The following IFT122 variants were observed in gnomAD, a reference collection of about 807,000 sequenced individuals.
IFT122 encodes the protein intraflagellar transport protein 122 homolog.
Under a neutral mutation model 161.6 loss-of-function variants are expected in IFT122, and 118 were observed. The observed-to-expected ratio is 0.73, with a 90% CI of 0.63 to 0.85. The LOEUF is 0.85. Among genes scored for constraint, IFT122 ranks in the 40% least tolerant of loss-of-function variants. The pLI, the probability that IFT122 is intolerant of heterozygous loss-of-function variation, is 0.00. For synonymous variants in IFT122, 550 were observed against 602.4 expected, an observed-to-expected ratio of 0.91 and a Z score of 1.27; for missense variants, 1,381 against 1,579.6, an observed-to-expected ratio of 0.87 and a Z score of 2.13.
At chr3:129,480,720 G>A (rs968197828) in intron 13 of IFT122, among the ~76,000 whole-genome samples, 49 of 152,318 alleles carry the variant, frequency 3.2e-4, no homozygotes, top group Non-Finnish European at 6.0e-4. Context: ...GCCGGAGGTC[G>A]TGTTCTTACT....
intron 9 of IFT122, among the ~76,000 whole-genome samples, chr3:129,475,331 A>T (rs1214689603): frequency 6.6e-6 from 1 of 152,184 alleles, no homozygotes; most frequent in Non-Finnish European, 1.5e-5. Context: ...GCAGTTCCTA[A>T]AAAAGGTTCA....
In IFT122 at chr3:129,456,101, T is replaced by C. The variant is rs1226698807; in HGVS notation, c.194-2498T>C. ...GAGGTAAATACTAACATTGTATCCA[T>C]TTTTCAAATAAGGAAATGAAAGCTC... is the stretch of plus-strand genomic sequence containing the variant. On this transcript the variant is annotated intron_variant, in intron 3 of 29. Transcript: ENST00000348417. 4 of 485,460 alleles carry C rather than the reference T, an allele frequency of 8.2e-6. 1 individual carries two copies. Among genetic ancestry groups the C allele is most frequent in the South Asian group, 6.1e-5 (4 of 65,084 alleles). The allele number at this position is 485,460 out of a possible 1,614,324, so 30.1% of individuals were successfully genotyped here. A position where few individuals can be genotyped will look rare whatever the true frequency, so the allele number is the denominator to read the frequency against.
rs186671638 is a variant in IFT122, at chr3:129,501,708, A to G, written c.2376-1003A>G. Among the ~76,000 whole-genome samples the G allele has an allele frequency of 5.3e-5, 8 of 152,358 alleles. No individual in the cohort carries two copies. In the East Asian group the frequency reaches 1.4e-3, roughly 26 times the overall value. On this transcript the variant is annotated intron_variant, in intron 19 of 29. Coordinates refer to ENST00000348417, the MANE Select transcript of IFT122 (RefSeq NM_052989.3). ...TTCTGCTTGCTTTCCAGATGTGGCT[A>G]TAAAAGGTGTCTTTCCTCCAGGGAC... is the stretch of plus-strand genomic sequence containing the variant.
At chr3:129,474,297 TAAG>T (rs2077672921) in intron 9 of IFT122, among the ~76,000 whole-genome samples, 3 of 152,224 alleles carry the variant, frequency 2.0e-5, no homozygotes, top group Admixed American at 2.0e-4. Flanking sequence ...AAATTGAACT[TAAG>T]AACTTAAGGA....
chr3:129,462,690 A>G (rs1449437498), intron 5 of IFT122, among the ~76,000 whole-genome samples: 1 of 152,240 alleles, frequency 6.6e-6, no homozygotes, highest in East Asian at 1.9e-4. Flanking sequence ...TTGATGTTGC[A>G]CTTGGCCATG....
At position 129,517,470 on chromosome 3, in the gene IFT122, C is replaced by T. The variant is rs759436069; in HGVS notation, c.3267C>T (p.Asp1089=). The part of the protein sequence containing the change: ...QPFIFSASSY[D]VLHLVEFYLE... ...CAGCCCTTTCTCTATGCCCTCCAGA[C>T]GTGCTACACCTGGTTGAGTTCTACC... The change falls in exon 27 of 30, where the codon GAC becomes GAT. Residue 1089 remains aspartate (D), a splice_region_variant and synonymous_variant. Coordinates refer to ENST00000348417, the MANE Select transcript of IFT122 (RefSeq NM_052989.3). 75 of 1,613,408 alleles carry T rather than the reference C, an allele frequency of 4.6e-5. No individual in the cohort carries two copies. Among genetic ancestry groups the T allele is most frequent in the Non-Finnish European group, 5.5e-5 (65 of 1,179,630 alleles).
chr3:129,474,520 T>C (rs1476374370), intron 9 of IFT122, among the ~76,000 whole-genome samples: 3 of 151,812 alleles, frequency 2.0e-5, no homozygotes, highest in African/African-American at 7.3e-5. Context: ...CGAGCACAAG[T>C]GCTGTGGGAG....
chr3:129,498,704 T>G (rs1004517999), intron 18 of IFT122, among the ~76,000 whole-genome samples: 1 of 152,212 alleles, frequency 6.6e-6, no homozygotes, highest in African/African-American at 2.4e-5. Context: ...TTGACTGTAC[T>G]TTTCTGACAC....
At chr3:129,445,076 A>G (rs1577148697) in intron 1 of IFT122, among the ~76,000 whole-genome samples, 2 of 152,326 alleles carry the variant, frequency 1.3e-5, no homozygotes, top group East Asian at 3.9e-4. Context: ...TTAAAATCCC[A>G]GCACTTTGGG....
At chr3:129,510,616 G>C (rs1368764335) in intron 23 of IFT122, among the ~76,000 whole-genome samples, 2 of 152,118 alleles carry the variant, frequency 1.3e-5, no homozygotes, top group Non-Finnish European at 1.5e-5. Flanking sequence ...CCTTCCCTCA[G>C]ACTTTTCTCT....
chr3:129,517,473 G>A lies in IFT122; in HGVS notation c.3270G>A (p.Val1090=). Residue 1090 remains valine, a synonymous_variant, in exon 27 of 30, where the codon GTG becomes GTA. Transcript: ENST00000348417. The part of the protein sequence containing the change: ...PFIFSASSYD[V]LHLVEFYLEE... ...CCCTTTCTCTATGCCCTCCAGACGT[G>A]CTACACCTGGTTGAGTTCTACCTGG... is the stretch of plus-strand genomic sequence containing the variant. The A allele has an allele frequency of 6.2e-7, 1 of 1,613,626 alleles. No individual in the cohort carries two copies. Among genetic ancestry groups the A allele is most frequent in the Non-Finnish European group, 8.5e-7 (1 of 1,179,680 alleles).
At chr3:129,482,723 G>A (rs1320332211) in intron 14 of IFT122, among the ~76,000 whole-genome samples, 2 of 152,172 alleles carry the variant, frequency 1.3e-5, no homozygotes, top group East Asian at 3.8e-4. Flanking sequence ...ATCCCTTACT[G>A]TGTGATCTTA....
chr3:129,502,618 T>G, intron 19 of IFT122, 93 bp from the exon 20 acceptor site: 1 of 1,414,926 alleles, frequency 7.1e-7, no homozygotes, highest in South Asian at 1.2e-5. Flanking sequence ...CATGGCATAG[T>G]ATCAACACTG....
intron 26 of IFT122, among the ~76,000 whole-genome samples, chr3:129,517,268 G>GCACGCA (rs1553776446): frequency 8.5e-5 from 10 of 117,120 alleles, no homozygotes; most frequent in African/African-American, 3.2e-4. Flanking sequence ...CATTGCTCCT[G>GCACGCA]CACACACACA....
intron 2 of IFT122, among the ~76,000 whole-genome samples, chr3:129,450,341 A>G (rs1468144344): frequency 1.3e-5 from 2 of 152,208 alleles, no homozygotes; most frequent in African/African-American, 4.8e-5. Flanking sequence ...GCCTATCTAA[A>G]CAGTTCCATA....
chr3:129,440,756 ATTTAT>A (rs1577090792), intron 1 of IFT122, among the ~76,000 whole-genome samples: 1 of 152,206 alleles, frequency 6.6e-6, no homozygotes, highest in Admixed American at 6.5e-5. Context: ...AAATTGTCTC[ATTTAT>A]TTTAATTATG....
In IFT122 at chr3:129,476,795, C is replaced by T. The variant is rs2077995074; in HGVS notation, c.1141C>T (p.Gln381Ter). The change falls in exon 11 of 30, where the codon CAG (glutamine) becomes TAG (stop). Residue 381 changes from glutamine (Q) to a stop codon, truncating the protein, a stop_gained. Transcript: ENST00000348417. LOFTEE classifies it high-confidence loss of function. ...CATTGTGCAGCACCTGATCACTGAG[C>T]AGAAAGGTAAGAGGCAGGTCCAGAC... ...DVIVQHLITEQKVRIKCKELV... is the reference protein window; with the variant it reads ...DVIVQHLITE 3 of 1,613,996 alleles carry T rather than the reference C, an allele frequency of 1.9e-6. No individual in the cohort carries two copies. Among genetic ancestry groups the T allele is most frequent in the South Asian group, 2.2e-5 (2 of 91,074 alleles).
In IFT122 at chr3:129,514,386, C is replaced by G. The variant is rs912500084; in HGVS notation, c.2988-3C>G. The G allele has an allele frequency of 6.2e-7, 1 of 1,614,098 alleles. No individual in the cohort carries two copies. The highest frequency in any genetic ancestry group is 2.2e-5 in the East Asian group (1 of 44,866). On this transcript the variant is annotated splice_region_variant and splice_polypyrimidine_tract_variant and intron_variant, in intron 24 of 29. Transcript: ENST00000348417. ...CTGCTGTCCTTAACCCTGTTCACGG[C>G]AGGAAAATACTCTTCACCTTGGCCA...
At chr3:129,498,972 T>C (rs901491446) in intron 18 of IFT122, among the ~76,000 whole-genome samples, 3 of 152,228 alleles carry the variant, frequency 2.0e-5, no homozygotes, top group African/African-American at 7.2e-5. Flanking sequence ...TTCTCACACA[T>C]TGTAGGGCCA....
Sources: gnomAD v4.1 joint callset for allele counts (sites outside exome capture counted in the v4.1 genomes callset) on GRCh38, gnomAD v4.1.1 for gene constraint, MANE v1.5 for transcripts, NCBI Gene and HGNC (gene_info 2026-07-23, HGNC 2026-07-21) for gene names.